Variants in NBEA observed in about 807,000 individuals in gnomAD.
NBEA encodes the protein lysosomal-trafficking regulator 2.
NBEA carries 44 observed loss-of-function variants against 343.4 expected under a neutral mutation model. The ratio of observed to expected loss-of-function variants is 0.13; its 90% confidence interval spans 0.10 to 0.16. NBEA has a LOEUF of 0.16. Ranked by LOEUF, NBEA falls within the 10% of genes least tolerant of loss-of-function variation. NBEA has a pLI of 1.00. For missense variants in NBEA, 2,555 were observed against 3,631.3 expected (o/e 0.70, Z 7.62); for synonymous variants, 1,175 against 1,238.7 (o/e 0.95, Z 1.08).
intron 39 of NBEA, among the ~76,000 whole-genome samples, chr13:35,437,622 A>T (rs1261816401): frequency 6.6e-6 from 1 of 152,182 alleles, no homozygotes; most frequent in Non-Finnish European, 1.5e-5. Context: ...TTTTGCGTGT[A>T]TTTAATGTGT....
intron 25 of NBEA, among the ~76,000 whole-genome samples, chr13:35,170,737 A>C (rs2070398648): frequency 6.6e-6 from 1 of 151,888 alleles, no homozygotes; most frequent in Non-Finnish European, 1.5e-5. Flanking sequence ...TAGTAGTTTC[A>C]GTTTATTCTA....
intron 39 of NBEA, among the ~76,000 whole-genome samples, chr13:35,443,069 C>T (rs1421663328): frequency 6.6e-6 from 1 of 152,056 alleles, no homozygotes; most frequent in Non-Finnish European, 1.5e-5. Flanking sequence ...CAATTGTTTA[C>T]AAGCATAACT....
intron 36 of NBEA, among the ~76,000 whole-genome samples, chr13:35,324,333 T>C (rs1170885281): frequency 6.6e-6 from 1 of 152,212 alleles, no homozygotes; most frequent in Non-Finnish European, 1.5e-5. Context: ...TTAGTTCATA[T>C]GTTGGTAAAA....
At chr13:35,614,757 ATTC>A (rs910522828) in intron 48 of NBEA, among the ~76,000 whole-genome samples, 1 of 152,218 alleles carries the variant, frequency 6.6e-6, no homozygotes, top group African/African-American at 2.4e-5. Context: ...GGCCTAAGGC[ATTC>A]TTCTCCCCTA....
intron 39 of NBEA, among the ~76,000 whole-genome samples, chr13:35,435,373 G>C (rs1441687042): frequency 6.6e-6 from 1 of 152,130 alleles, no homozygotes; most frequent in African/African-American, 2.4e-5. Flanking sequence ...CCATGATCTG[G>C]ATGGCAGTAT....
chr13:35,251,651 A>G, intron 34 of NBEA: 1 of 887,946 alleles, frequency 1.1e-6, no homozygotes, highest in Non-Finnish European at 1.5e-6. Flanking sequence ...AAGGATGAGC[A>G]GCAGAAAGAG....
chr13:35,276,191 G>T (rs2034574008), intron 34 of NBEA, among the ~76,000 whole-genome samples: 1 of 151,984 alleles, frequency 6.6e-6, no homozygotes, highest in Non-Finnish European at 1.5e-5. Context: ...GAGCACATAT[G>T]GCCTGTGTTG....
chr13:35,646,598 C>T (rs2084245324), intron 51 of NBEA, among the ~76,000 whole-genome samples: 1 of 152,134 alleles, frequency 6.6e-6, no homozygotes, highest in African/African-American at 2.4e-5. Flanking sequence ...TATGACTCTA[C>T]ATAAACTCAT....
At chr13:35,605,943 A>G (rs1437777952) in intron 47 of NBEA, among the ~76,000 whole-genome samples, 3 of 152,200 alleles carry the variant, frequency 2.0e-5, no homozygotes, top group Non-Finnish European at 4.4e-5. Context: ...GAATCTCTTT[A>G]TAAAAATCAC....
chr13:35,620,294 C>A (rs59953465), intron 48 of NBEA, among the ~76,000 whole-genome samples: 4,581 of 152,072 alleles, frequency 0.03, 254 homozygotes, highest in African/African-American at 0.11. Flanking sequence ...CTGTGAGTAC[C>A]TGCAGGGGAG....
intron 38 of NBEA, among the ~76,000 whole-genome samples, chr13:35,398,067 G>T (rs973626695): frequency 1.3e-5 from 2 of 152,100 alleles, no homozygotes; most frequent in African/African-American, 4.8e-5. Flanking sequence ...TATCAATTAA[G>T]TTTGTGGAAT....
In NBEA at chr13:35,156,086, T is replaced by C. The variant is rs770324837; in HGVS notation, c.2531T>C (p.Ile844Thr). The change falls in exon 20 of 59, where the codon ATT becomes ACT. Residue 844 changes from isoleucine (I) to threonine (T), a missense_variant. Ile to Thr is a moderately conservative substitution (Grantham distance 89). Around this residue, in one of 21 missense-constraint regions of NBEA, gnomAD observed 360 missense variants for 519.1 expected, o/e 0.69. Transcript: ENST00000379939. ...DSTVKIQNPM[I>T]LKVVATLLKN... is the part of the protein sequence containing the mutation. Reference sequence around the variant, plus strand: ...AGTTTTTTTTCTTTGTTTACAGTGATTCTTAAAGTGGTGGCAACTTTGTTA... The same window carrying C: ...AGTTTTTTTTCTTTGTTTACAGTGACTCTTAAAGTGGTGGCAACTTTGTTA... 1 of 1,578,426 alleles carries C rather than the reference T, an allele frequency of 6.3e-7. No individual in the cohort carries two copies. Among genetic ancestry groups the C allele is most frequent in the Non-Finnish European group, 8.6e-7 (1 of 1,168,250 alleles).
At chr13:35,501,660 A>T (rs556906637) in intron 41 of NBEA, among the ~76,000 whole-genome samples, 1 of 152,120 alleles carries the variant, frequency 6.6e-6, no homozygotes. Flanking sequence ...TAAATAACCT[A>T]CCTCACCTTT....
intron 39 of NBEA, among the ~76,000 whole-genome samples, chr13:35,436,421 A>C (rs2045438293): frequency 6.6e-6 from 1 of 152,172 alleles, no homozygotes. Context: ...GTTAAATTCT[A>C]CTGTGAAGGC....
chr13:35,592,835 TA>T (rs1490669811), intron 46 of NBEA, among the ~76,000 whole-genome samples: 1 of 142,720 alleles, frequency 7.0e-6, no homozygotes, highest in East Asian at 2.1e-4. Context: ...CATAAGGTAG[TA>T]CTAATACTTT....
intron 38 of NBEA, among the ~76,000 whole-genome samples, chr13:35,420,617 T>G (rs1374346229): frequency 6.6e-6 from 1 of 152,020 alleles, no homozygotes; most frequent in Non-Finnish European, 1.5e-5. Flanking sequence ...TTTAATAAAA[T>G]TCTTCAGTGA....
chr13:35,254,002 C>G (rs2032287851), intron 34 of NBEA, among the ~76,000 whole-genome samples: 1 of 152,132 alleles, frequency 6.6e-6, no homozygotes, highest in Non-Finnish European at 1.5e-5. Context: ...GGAAATTAGT[C>G]AACTACATTT....
chr13:35,550,411 C>T, intron 41 of NBEA, 66 bp from the exon 42 acceptor site: 1 of 836,626 alleles, frequency 1.2e-6, no homozygotes, highest in Non-Finnish European at 1.9e-6. Flanking sequence ...TACTAAGTTA[C>T]TGTCAGAGTA....
At chr13:34,996,646 A>G (rs1371930530) in intron 1 of NBEA, among the ~76,000 whole-genome samples, 4 of 152,134 alleles carry the variant, frequency 2.6e-5, no homozygotes, top group African/African-American at 9.7e-5. Flanking sequence ...CTTTTTATAA[A>G]TGAGGAAACA....
Sources: allele counts gnomAD v4.1 joint callset (sites outside exome capture counted in the v4.1 genomes callset), GRCh38; gene constraint gnomAD v4.1.1; regional missense constraint gnomAD v4.1.1; transcripts MANE v1.5; gene names NCBI Gene and HGNC (gene_info 2026-07-23, HGNC 2026-07-21).